CHD9NB: variants seen among roughly 807,000 people sequenced by gnomAD.
CHD9NB encodes the protein CHD9 neighbor protein.
chr16:53,036,934 T>G, the CHD9NB span, among the ~76,000 whole-genome samples: 1 of 152,066 alleles, frequency 6.6e-6, no homozygotes, highest in Non-Finnish European at 1.5e-5. Context: ...TCACGTTGGC[T>G]TCATCAAATT....
chr16:53,046,302 C>G, the CHD9NB span, among the ~76,000 whole-genome samples: 3 of 151,982 alleles, frequency 2.0e-5, no homozygotes, highest in East Asian at 5.8e-4. Flanking sequence ...GTGAGAAACC[C>G]TAGGATTGTG....
the CHD9NB span, among the ~76,000 whole-genome samples, chr16:53,052,207 A>C: frequency 4.0e-5 from 6 of 149,584 alleles, no homozygotes; most frequent in Admixed American, 1.3e-4. Context: ...AAAAAAAAAA[A>C]AAAACAATAA....
the CHD9NB span, among the ~76,000 whole-genome samples, chr16:53,039,068 C>A: frequency 6.6e-6 from 1 of 152,028 alleles, no homozygotes; most frequent in Non-Finnish European, 1.5e-5. Context: ...ATGCTTCTAG[C>A]TTTATCCCTC....
chr16:53,037,284 A>G, the CHD9NB span, among the ~76,000 whole-genome samples: 1 of 152,172 alleles, frequency 6.6e-6, no homozygotes, highest in African/African-American at 2.4e-5. Context: ...CCTTACAACA[A>G]GGGCTTTAGC....
chr16:53,040,236 AT>A, the CHD9NB span, among the ~76,000 whole-genome samples: 74 of 146,806 alleles, frequency 5.0e-4, no homozygotes, highest in East Asian at 8.0e-4. Flanking sequence ...CACCCAGGTA[AT>A]TTTTTTTTTT....
the CHD9NB span, among the ~76,000 whole-genome samples, chr16:53,041,400 A>G: frequency 6.6e-6 from 1 of 152,374 alleles, no homozygotes; most frequent in East Asian, 1.9e-4. Context: ...GTTAGAGATT[A>G]ACTTCCTAGT....
the CHD9NB span, among the ~76,000 whole-genome samples, chr16:53,041,227 C>T: frequency 1.3e-5 from 2 of 152,230 alleles, no homozygotes; most frequent in Non-Finnish European, 2.9e-5. Context: ...CCTTTGCAGG[C>T]CTGTTTTTCC....
At chr16:53,043,952 A>G in the CHD9NB span, 1 of 398,620 alleles carries the variant, frequency 2.5e-6, no homozygotes. Context: ...CTGGGGCCAA[A>G]GGCAGTTCCA....
chr16:53,047,071 C>T, the CHD9NB span: 1 of 152,186 alleles, frequency 6.6e-6, no homozygotes, highest in Non-Finnish European at 1.5e-5. Flanking sequence ...CAGTAGATCA[C>T]ATTTTAAATA....
chr16:53,046,845 C>T, the CHD9NB span, among the ~76,000 whole-genome samples: 2 of 152,154 alleles, frequency 1.3e-5, no homozygotes, highest in African/African-American at 4.8e-5. Context: ...GACAACAGAA[C>T]TTTAGATGAA....
the CHD9NB span, among the ~76,000 whole-genome samples, chr16:53,047,891 G>A: frequency 5.9e-5 from 9 of 151,844 alleles, no homozygotes; most frequent in African/African-American, 7.2e-5. Context: ...CTGCCTACTC[G>A]GGAGGCAGAA....
chr16:53,049,932 G>A, the CHD9NB span, among the ~76,000 whole-genome samples: 5 of 152,118 alleles, frequency 3.3e-5, no homozygotes, highest in South Asian at 8.3e-4. Context: ...GACCGGGCAC[G>A]GTGGCTCACG....
the CHD9NB span, among the ~76,000 whole-genome samples, chr16:53,047,978 G>A: frequency 1.6e-5 from 2 of 125,688 alleles, no homozygotes; most frequent in African/African-American, 5.9e-5. Flanking sequence ...CAGCCTGGGT[G>A]ACAGAGACAC....
At chr16:53,049,118 C>T in the CHD9NB span, among the ~76,000 whole-genome samples, 1 of 152,040 alleles carries the variant, frequency 6.6e-6, no homozygotes, top group Non-Finnish European at 1.5e-5. Context: ...CTCAGCCTCC[C>T]AAAGTGCTGG....
At chr16:53,048,601 G>T in the CHD9NB span, among the ~76,000 whole-genome samples, 1 of 152,062 alleles carries the variant, frequency 6.6e-6, no homozygotes, top group South Asian at 2.1e-4. Context: ...AACAAAAAGC[G>T]CTTGCCACTC....
chr16:53,049,587 C>T, the CHD9NB span, among the ~76,000 whole-genome samples: 1 of 152,068 alleles, frequency 6.6e-6, no homozygotes, highest in Admixed American at 6.5e-5. Flanking sequence ...AGATGTCACA[C>T]TGGAAATAGG....
the CHD9NB span, among the ~76,000 whole-genome samples, chr16:53,049,987 T>A: frequency 4.6e-5 from 7 of 152,204 alleles, no homozygotes; most frequent in Non-Finnish European, 1.0e-4. Flanking sequence ...GCGGATCACT[T>A]GACGTCAGGA....
the CHD9NB span, among the ~76,000 whole-genome samples, chr16:53,037,806 A>T: frequency 1.3e-5 from 2 of 152,236 alleles, no homozygotes; most frequent in Admixed American, 1.3e-4. Context: ...CTAAAGGCAA[A>T]CTGCCTAGTG....
chr16:53,040,685 T>C, the CHD9NB span, among the ~76,000 whole-genome samples: 1 of 152,178 alleles, frequency 6.6e-6, no homozygotes, highest in African/African-American at 2.4e-5. Context: ...CAGTAAACAC[T>C]GAATTAATAA....
Sources: allele counts gnomAD v4.1 joint callset (sites outside exome capture counted in the v4.1 genomes callset), GRCh38; gene constraint gnomAD v4.1.1; transcripts MANE v1.5; gene names NCBI Gene and HGNC (gene_info 2026-07-23, HGNC 2026-07-21).